PDE4B: variants seen among roughly 807,000 people sequenced by gnomAD.
The protein encoded by PDE4B is 3',5'-cyclic-AMP phosphodiesterase 4B.
In PDE4B, 20 loss-of-function variants were observed where a neutral mutation model predicts 82.2. That is an observed-to-expected ratio of 0.24 (90% CI 0.17 to 0.35). PDE4B has a LOEUF of 0.35. Among genes scored for constraint, PDE4B ranks in the 10% least tolerant of loss-of-function variants. The pLI, the probability that PDE4B is intolerant of heterozygous loss-of-function variation, is 1.00. For synonymous variants in PDE4B, 320 were observed against 318.9 expected (o/e 1.00, Z -0.04); for missense variants, 655 against 907.2 (o/e 0.72, Z 3.57).
chr1:66,168,605 C>G (rs974256187), intron 3 of PDE4B, among the ~76,000 whole-genome samples: 4 of 152,078 alleles, frequency 2.6e-5, no homozygotes, highest in Non-Finnish European at 5.9e-5. Flanking sequence ...GAATGAGGAC[C>G]GTACCTACCG....
chr1:65,992,718 T>C, intron 3 of PDE4B: 1 of 1,346,680 alleles, frequency 7.4e-7, no homozygotes, highest in Non-Finnish European at 9.5e-7. Context: ...AAGCTCCTTG[T>C]GACAGCCTGA....
intron 3 of PDE4B, among the ~76,000 whole-genome samples, chr1:66,228,848 C>T (rs566535293): frequency 3.3e-5 from 5 of 150,144 alleles, no homozygotes; most frequent in African/African-American, 4.8e-5. Flanking sequence ...GCAGAAAAAA[C>T]GAGGAAAGGG....
rs759332202 is a variant in PDE4B, at chr1:66,247,446, A to G, written c.282-14A>G. 2.1e-5 allele frequency: 33 copies of G among 1,541,534 alleles called. No individual in the cohort carries two copies. Among genetic ancestry groups the G allele is most frequent in the Non-Finnish European group, 2.8e-5 (32 of 1,144,682 alleles). On this transcript the variant is annotated splice_polypyrimidine_tract_variant and intron_variant, in intron 3 of 16. Transcript: ENST00000341517. ...GGTTATCATGTGACCAGAGTTTCCC[A>G]CTTTCTCTTTAAGCTTTGATGTGGA...
At chr1:66,089,983 T>A (rs1644978167) in intron 3 of PDE4B, among the ~76,000 whole-genome samples, 1 of 152,032 alleles carries the variant, frequency 6.6e-6, no homozygotes, top group South Asian at 2.1e-4. Flanking sequence ...TGGAAAAATA[T>A]CTCCTATACC....
intron 1 of PDE4B, among the ~76,000 whole-genome samples, chr1:65,811,870 A>C (rs1260667283): frequency 6.6e-6 from 1 of 152,204 alleles, no homozygotes; most frequent in Non-Finnish European, 1.5e-5. Context: ...ACAACTTGAA[A>C]GCTGCTGTTT....
intron 16 of PDE4B, among the ~76,000 whole-genome samples, chr1:66,370,150 C>CAAAAAAAAAAAAAAAAAAAAAAAAAAA: frequency 3.5e-5 from 1 of 28,622 alleles, no homozygotes. Context: ...GACTCTATCT[C>CAAAAAAAAAAAAAAAAAAAAAAAAAAA]AAAAAAAAAA....
At chr1:66,154,053 C>G (rs1646454762) in intron 3 of PDE4B, among the ~76,000 whole-genome samples, 1 of 152,068 alleles carries the variant, frequency 6.6e-6, no homozygotes, top group South Asian at 2.1e-4. Flanking sequence ...CTTTCTTTAC[C>G]TTTTTATCTT....
intron 1 of PDE4B, among the ~76,000 whole-genome samples, chr1:65,807,739 C>T (rs754631716): frequency 1.3e-5 from 2 of 152,130 alleles, no homozygotes; most frequent in African/African-American, 2.4e-5. Flanking sequence ...ATGAGCCTAA[C>T]GAACTTTTCA....
At chr1:66,087,732 A>G (rs1657083466) in intron 3 of PDE4B, among the ~76,000 whole-genome samples, 2 of 151,938 alleles carry the variant, frequency 1.3e-5, no homozygotes, top group Non-Finnish European at 2.9e-5. Context: ...CGTGGATGAA[A>G]TTGGAAGTCA....
chr1:65,794,189 C>T (rs556416851), intron 1 of PDE4B, among the ~76,000 whole-genome samples: 1 of 152,280 alleles, frequency 6.6e-6, no homozygotes, highest in Admixed American at 6.5e-5. Flanking sequence ...AATGGTAACT[C>T]TATGCATTCT....
intron 3 of PDE4B, among the ~76,000 whole-genome samples, chr1:65,972,325 T>G (rs547101818): frequency 7.3e-5 from 10 of 136,994 alleles, no homozygotes; most frequent in Non-Finnish European, 1.1e-4. Context: ...TGTACACTTC[T>G]TTATCTTGCC....
At chr1:66,114,781 A>T in intron 3 of PDE4B, among the ~76,000 whole-genome samples, 1 of 151,944 alleles carries the variant, frequency 6.6e-6, no homozygotes, top group Non-Finnish European at 1.5e-5. Flanking sequence ...GACTACAGGC[A>T]CACATCACCA....
intron 3 of PDE4B, among the ~76,000 whole-genome samples, chr1:66,147,687 GTGCT>G (rs1389144569): frequency 6.6e-6 from 1 of 152,160 alleles, no homozygotes; most frequent in Non-Finnish European, 1.5e-5. Flanking sequence ...CAGTAATAGG[GTGCT>G]TCCAGTGGGG....
intron 1 of PDE4B, among the ~76,000 whole-genome samples, chr1:65,896,845 G>T (rs1408750083): frequency 6.6e-6 from 1 of 152,146 alleles, no homozygotes; most frequent in Non-Finnish European, 1.5e-5. Flanking sequence ...AGACTGTGAA[G>T]CAGTTGTTAT....
Position 66,361,805 on chromosome 1 carries a change from C to T in PDE4B, c.1020+12C>T. On this transcript the variant is annotated intron_variant, in intron 10 of 16. Coordinates refer to ENST00000341517, the MANE Select transcript of PDE4B (RefSeq NM_002600.4). ...ATCACCTGGCCAAGGTGTGTATAAG[C>T]TCAGGTTTTGTGCATGTAGCTCTCT... 6.2e-7 allele frequency: 1 copy of T among 1,602,078 alleles called. No individual in the cohort carries two copies. The highest frequency in any genetic ancestry group is 2.2e-5 in the East Asian group (1 of 44,696).
intron 3 of PDE4B, among the ~76,000 whole-genome samples, chr1:66,170,916 T>G (rs1646825082): frequency 6.6e-6 from 1 of 152,194 alleles, no homozygotes; most frequent in African/African-American, 2.4e-5. Context: ...CCATACATTT[T>G]AAATAGGAGC....
intron 3 of PDE4B, among the ~76,000 whole-genome samples, chr1:65,989,972 G>T: frequency 6.9e-6 from 1 of 144,484 alleles, no homozygotes; most frequent in Non-Finnish European, 1.5e-5. Context: ...TCAGAAATAA[G>T]TAATTCAGAC....
At chr1:66,359,563 G>A (rs1662584174) in intron 9 of PDE4B, among the ~76,000 whole-genome samples, 1 of 152,192 alleles carries the variant, frequency 6.6e-6, no homozygotes, top group South Asian at 2.1e-4. Flanking sequence ...CATTATTGCA[G>A]TGTTCCAGAC....
intron 3 of PDE4B, among the ~76,000 whole-genome samples, chr1:66,059,286 C>T (rs1655464444): frequency 6.6e-6 from 1 of 152,164 alleles, no homozygotes; most frequent in Non-Finnish European, 1.5e-5. Context: ...TAGGAAGTTC[C>T]AAGCCTTCCC....
Sources: allele counts gnomAD v4.1 joint callset (sites outside exome capture counted in the v4.1 genomes callset), GRCh38; gene constraint gnomAD v4.1.1; transcripts MANE v1.5; gene names NCBI Gene and HGNC (gene_info 2026-07-23, HGNC 2026-07-21).